Variants in SLC39A3 observed in about 807,000 individuals in gnomAD.
The protein encoded by SLC39A3 is zinc transporter ZIP3.
SLC39A3 carries 3 observed loss-of-function variants against 5.1 expected under a neutral mutation model. That is an observed-to-expected ratio of 0.59 (90% confidence interval 0.27 to 1.54). The LOEUF (loss-of-function observed/expected upper bound fraction) is 1.54. Ranked by LOEUF, SLC39A3 falls within the 40% of genes most tolerant of loss-of-function variation. The pLI is 0.12. For missense variants in SLC39A3, 412 were observed against 436.4 expected (o/e 0.94, Z 0.50); for synonymous variants, 250 against 218.8 (o/e 1.14, Z -1.26).
rs573059796 is a variant in SLC39A3, at chr19:2,737,442, A to G, written c.-122-63T>C. On this transcript the variant is annotated intron_variant, in intron 1 of 2. Coordinates refer to ENST00000269740, the MANE Select transcript of SLC39A3 (RefSeq NM_144564.5). ...TTTTTCTTTTTTTTTTTTTAGACAG[A>G]GTCTCGCTCTGTTGCCAGGCTGGAG... 2.3e-4 allele frequency: 269 copies of G among 1,154,894 alleles called. 4 individuals are homozygous for G. The South Asian group carries it at 4.2e-3, about 18-fold the overall frequency. 71.5% of individuals were successfully genotyped at this position (1,154,894 alleles called of 1,614,324 possible).
chr19:2,733,443 G>A lies in SLC39A3; in HGVS notation c.253C>T (p.Pro85Ser), dbSNP rs1260721356. ...LSLGHISTDY[P>S]LAETILLLGF... ...AGCAGGAGGATGGTTTCGGCCAGCGGGTAGTCGGTGCTGATGTGGCCGAGG... is the reference window on the plus strand; with the variant it reads ...AGCAGGAGGATGGTTTCGGCCAGCGAGTAGTCGGTGCTGATGTGGCCGAGG... Residue 85 changes from proline (P) to serine (S), a missense_variant, in exon 3 of 3, where the codon CCG (proline) becomes TCG (serine). Transcript: ENST00000269740. The surrounding 1 kb of genome is among the most constrained non-coding windows in gnomAD (Gnocchi z 6.1). 3.7e-6 allele frequency: 6 copies of A among 1,612,732 alleles called. No individual in the cohort carries two copies. Among genetic ancestry groups the A allele is most frequent in the African/African-American group, 2.7e-5 (2 of 74,926 alleles).
chr19:2,732,558 A>T lies in SLC39A3; in HGVS notation c.*193T>A, dbSNP rs1914226328. ...GACTTTTAAGAGAAAGAAGTATTTT[A>T]AAAAGTAGCAGTGCTCTGAGGCTCA... On this transcript the variant is annotated 3_prime_UTR_variant, in exon 3 of 3. Transcript: ENST00000269740. The T allele has an allele frequency of 4.9e-6, 7 of 1,427,190 alleles. No individual in the cohort carries two copies. Among genetic ancestry groups the T allele is most frequent in the Admixed American group, 2.9e-5 (1 of 34,378 alleles). The allele number at this position is 1,427,190 out of a possible 1,614,324, so 88.4% of individuals were successfully genotyped here. A position where few individuals can be genotyped will look rare whatever the true frequency, so the allele number is the denominator to read the frequency against.
At chr19:2,736,623 GCC>G in intron 2 of SLC39A3, 2 of 827,498 alleles carry the variant, frequency 2.4e-6, no homozygotes, top group South Asian at 2.4e-5. Context: ...CTGAAGCAGT[GCC>G]CAGACCCCTG....
In SLC39A3 at chr19:2,733,027, G is replaced by A. The variant is rs1914244875; in HGVS notation, c.669C>T (p.Ala223=). ...GCTTGGCCGCGTCCCGCAGGGGCAT[G>A]GCACTCCGGGCCATGCTGATGCCCA... ...VALGISMARS[A]MPLRDAAKLA... is the part of the protein sequence containing the mutation. Residue 223 remains alanine (A), a synonymous_variant, in exon 3 of 3, where the codon GCC becomes GCT. Transcript: ENST00000269740. This position sits in a 1 kb window ranked among gnomAD's most constrained non-coding sequence, Gnocchi z 6.1. 2 of 1,606,410 alleles carry A rather than the reference G, an allele frequency of 1.2e-6. 1 individual carries two copies. The highest frequency in any genetic ancestry group is 2.2e-5 in the South Asian group (2 of 90,540).
rs1297391917 is a variant in SLC39A3, at chr19:2,734,868, T to G, written c.211-1383A>C. 24 of 985,332 alleles carry G rather than the reference T, an allele frequency of 2.4e-5. No homozygotes were observed. The highest frequency in any genetic ancestry group is 2.9e-5 in the Non-Finnish European group (24 of 829,954). 61.0% of individuals were successfully genotyped at this position (985,332 alleles called of 1,614,324 possible). On this transcript the variant is annotated intron_variant, in intron 2 of 2. Transcript: ENST00000269740. This position sits in a 1 kb window ranked among gnomAD's most constrained non-coding sequence, Gnocchi z 4.6. ...GGACAAGCTCATGAGGAACTCTAGC[T>G]ACTCCCAAGAGACAGACGTTGATCA... is the stretch of plus-strand genomic sequence containing the variant.
Position 2,737,296 on chromosome 19 carries a change from AC to A in SLC39A3, c.-40del, listed in dbSNP as rs1331434538. On this transcript the variant is annotated 5_prime_UTR_variant, in exon 2 of 3. Coordinates refer to ENST00000269740, the MANE Select transcript of SLC39A3 (RefSeq NM_144564.5). ...GCTGCTCTGGTCACTGCAGGGCCAAACCATCTGTGGGCGCACACCCAAGTCC... is the reference window on the plus strand; with the variant it reads ...GCTGCTCTGGTCACTGCAGGGCCAAACATCTGTGGGCGCACACCCAAGTCC... The A allele has an allele frequency of 6.4e-7, 1 of 1,561,230 alleles. No homozygotes were observed. Among genetic ancestry groups the A allele is most frequent in the African/African-American group, 1.4e-5 (1 of 73,686 alleles).
chr19:2,736,116 C>T (rs908925729), intron 2 of SLC39A3: 3 of 985,556 alleles, frequency 3.0e-6, no homozygotes, highest in Non-Finnish European at 3.6e-6. Flanking sequence ...GGGACCCACA[C>T]TCTGGGCTGC....
intron 1 of SLC39A3, among the ~76,000 whole-genome samples, chr19:2,739,099 CAAAAAAAAAAAA>C (rs76854834): frequency 9.9e-5 from 3 of 30,332 alleles, no homozygotes; most frequent in South Asian, 1.9e-3. Flanking sequence ...GACTCCGTCT[CAAAAAAAAAAAA>C]AAAAAAAAAA....
chr19:2,736,846 G>C, intron 2 of SLC39A3: 3 of 1,477,736 alleles, frequency 2.0e-6, no homozygotes, highest in South Asian at 2.8e-5. Flanking sequence ...TCCCAGGTCT[G>C]GTCCAAACCC....
rs934483445 is a variant in SLC39A3, at chr19:2,737,325, C to T, written c.-68G>A. The T allele has an allele frequency of 4.0e-5, 60 of 1,516,624 alleles. No homozygotes were observed. The Middle Eastern group carries it at 6.8e-4, about 17-fold the overall frequency. The allele number at this position is 1,516,624 out of a possible 1,614,324, so 93.9% of individuals were successfully genotyped here. On this transcript the variant is annotated 5_prime_UTR_variant, in exon 2 of 3. The change creates a new upstream start codon in the 5' untranslated region. Coordinates refer to ENST00000269740, the MANE Select transcript of SLC39A3 (RefSeq NM_144564.5). ...TCTGTGGGCGCACACCCAAGTCCCA[C>T]GATGTGCTACCGAGCCCAACCACAC...
Position 2,733,574 on chromosome 19 carries a change from A to G in SLC39A3, c.211-89T>C. 6.7e-7 allele frequency: 1 copy of G among 1,482,266 alleles called. No homozygotes were observed. Among genetic ancestry groups the G allele is most frequent in the South Asian group, 1.4e-5 (1 of 73,966 alleles). The allele number at this position is 1,482,266 out of a possible 1,614,324, so 91.8% of individuals were successfully genotyped here. On this transcript the variant is annotated intron_variant, in intron 2 of 2. Transcript: ENST00000269740. The surrounding 1 kb of genome is among the most constrained non-coding windows in gnomAD (Gnocchi z 6.1). Reference sequence around the variant, plus strand: ...TGGCCAGATGTCACCGTTCAAAGCAAAGTCCAGAAATCCCCGATTCACACA... The same window carrying G: ...TGGCCAGATGTCACCGTTCAAAGCAGAGTCCAGAAATCCCCGATTCACACA...
rs1022618881 is a variant in SLC39A3 at position 2,738,688 on chromosome 19, T to TCACCTGAGGTCGAGAGTTCGAGACCAG, written c.-123+1230_-123+1256dup. Among the ~76,000 whole-genome samples, 5 of 151,896 alleles carry TCACCTGAGGTCGAGAGTTCGAGACCAG rather than the reference T, an allele frequency of 3.3e-5. No individual in the cohort carries two copies. The East Asian group carries it at 5.8e-4, about 18-fold the overall frequency. ...ACTTTGGGAGGCTGAGGTGGGCAGA[T>TCACCTGAGGTCGAGAGTTCGAGACCAG]CACCTGAGGTCGAGAGTTCGAGACC... On this transcript the variant is annotated intron_variant, in intron 1 of 2. Transcript: ENST00000269740.
chr19:2,739,750 G>A (rs1914489872), intron 1 of SLC39A3, among the ~76,000 whole-genome samples, 195 bp downstream of exon 1: 1 of 152,238 alleles, frequency 6.6e-6, no homozygotes, highest in Non-Finnish European at 1.5e-5. Flanking sequence ...TCAAACCGGA[G>A]GCTGCTCGGG....
intron 1 of SLC39A3, among the ~76,000 whole-genome samples, chr19:2,739,237 A>G (rs1445990905): frequency 6.6e-6 from 1 of 151,992 alleles, no homozygotes; most frequent in East Asian, 1.9e-4. Flanking sequence ...CACATGGACG[A>G]GGGGAAGCGT....
chr19:2,732,745 G>A lies in SLC39A3; in HGVS notation c.*6C>T. The A allele has an allele frequency of 6.5e-7, 1 of 1,541,788 alleles. No homozygotes were observed. Among genetic ancestry groups the A allele is most frequent in the African/African-American group, 1.4e-5 (1 of 72,518 alleles). Reference sequence around the variant, plus strand: ...GCTCCGGCGGCAGGGACAATGGCGAGGCCGCTCACCACTTGAGGAAGACCA... The same window carrying A: ...GCTCCGGCGGCAGGGACAATGGCGAAGCCGCTCACCACTTGAGGAAGACCA... On this transcript the variant is annotated 3_prime_UTR_variant, in exon 3 of 3. Coordinates refer to ENST00000269740, the MANE Select transcript of SLC39A3 (RefSeq NM_144564.5).
Position 2,733,531 on chromosome 19 carries a change from G to T in SLC39A3, c.211-46C>A. 6.4e-7 allele frequency: 1 copy of T among 1,559,346 alleles called. No individual in the cohort carries two copies. Among genetic ancestry groups the T allele is most frequent in the Non-Finnish European group, 8.7e-7 (1 of 1,154,148 alleles). The stretch of plus-strand genomic sequence containing the variant: ...GAGAGAGAGAGAGACCCACGCTCAG[G>T]GGTGGCGGCGACAGGGCTGGCCAGA... On this transcript the variant is annotated intron_variant, in intron 2 of 2. Coordinates refer to ENST00000269740, the MANE Select transcript of SLC39A3 (RefSeq NM_144564.5). This position sits in a 1 kb window ranked among gnomAD's most constrained non-coding sequence, Gnocchi z 6.1.
chr19:2,735,842 T>C lies in SLC39A3; in HGVS notation c.210+1206A>G. ...ACTCTACTCTGCCACACTAACAGGC[T>C]CAGATGATTTAATCCCAGACAACAG... On this transcript the variant is annotated intron_variant, in intron 2 of 2. Coordinates refer to ENST00000269740, the MANE Select transcript of SLC39A3 (RefSeq NM_144564.5). The surrounding 1 kb of genome is among the most constrained non-coding windows in gnomAD (Gnocchi z 5.7). 2.0e-6 allele frequency: 2 copies of C among 985,482 alleles called. No homozygotes were observed. The highest frequency in any genetic ancestry group is 4.7e-5 in the South Asian group (1 of 21,280). 61.0% of individuals were successfully genotyped at this position (985,482 alleles called of 1,614,324 possible).
intron 1 of SLC39A3, among the ~76,000 whole-genome samples, chr19:2,739,061 T>C (rs112251702): frequency 0.038 from 5,422 of 143,876 alleles, 139 homozygotes; most frequent in Non-Finnish European, 0.053. Context: ...GATCGCGCCA[T>C]TGTACTCCAG....
Position 2,733,569 on chromosome 19 carries a change from A to G in SLC39A3, c.211-84T>C, listed in dbSNP as rs774081960. ...AGGGCTGGCCAGATGTCACCGTTCA[A>G]AGCAAAGTCCAGAAATCCCCGATTC... On this transcript the variant is annotated intron_variant, in intron 2 of 2. Coordinates refer to ENST00000269740, the MANE Select transcript of SLC39A3 (RefSeq NM_144564.5). This position sits in a 1 kb window ranked among gnomAD's most constrained non-coding sequence, Gnocchi z 6.1. 6.2e-5 allele frequency: 93 copies of G among 1,498,114 alleles called. No homozygotes were observed. The highest frequency in any genetic ancestry group is 8.1e-5 in the Non-Finnish European group (91 of 1,123,170). 92.8% of individuals were successfully genotyped at this position (1,498,114 alleles called of 1,614,324 possible).
Sources: allele counts gnomAD v4.1 joint callset (sites outside exome capture counted in the v4.1 genomes callset), GRCh38; gene constraint gnomAD v4.1.1; non-coding constraint Gnocchi (gnomAD v3.1); transcripts MANE v1.5; gene names NCBI Gene and HGNC (gene_info 2026-07-23, HGNC 2026-07-21).